The following AGO3 variants were observed in gnomAD, a reference collection of about 807,000 sequenced individuals.
The protein encoded by AGO3 is protein argonaute-3.
AGO3 carries 16 observed loss-of-function variants against 105.5 expected under a neutral mutation model. The observed-to-expected ratio is 0.15, with a 90% CI of 0.10 to 0.23. AGO3 has a LOEUF of 0.23. Ranked by LOEUF, AGO3 falls within the 10% of genes least tolerant of loss-of-function variation. AGO3 has a pLI of 1.00. For synonymous variants in AGO3, 340 were observed against 367.3 expected (o/e 0.93, Z 0.85); for missense variants, 534 against 1,088.0 (o/e 0.49, Z 7.16).
At chr1:36,009,337 A>G in intron 8 of AGO3, 138 bp from the exon 9 acceptor site, 1 of 1,030,918 alleles carries the variant, frequency 9.7e-7, no homozygotes, top group South Asian at 1.9e-5. Context: ...CTTGTTTACT[A>G]CTTTTTTACT....
chr1:36,040,652 C>T (rs1371737855), intron 16 of AGO3, among the ~76,000 whole-genome samples: 1 of 152,136 alleles, frequency 6.6e-6, no homozygotes, highest in Admixed American at 6.5e-5. Context: ...AAATCTCATT[C>T]TACTTTTTTG....
chr1:35,945,203 C>G (rs1357513659), intron 1 of AGO3, among the ~76,000 whole-genome samples: 1 of 136,710 alleles, frequency 7.3e-6, no homozygotes, highest in African/African-American at 3.1e-5. Flanking sequence ...TTACTCTTTT[C>G]TTTTCTTTTC....
chr1:36,029,022 C>T (rs1641645380), intron 12 of AGO3, among the ~76,000 whole-genome samples: 1 of 152,090 alleles, frequency 6.6e-6, no homozygotes, highest in South Asian at 2.1e-4. Context: ...ATTCTATTTT[C>T]TTTCCTCTTT....
At chr1:36,051,457 T>A (rs1486215593) in intron 17 of AGO3, among the ~76,000 whole-genome samples, 1 of 152,140 alleles carries the variant, frequency 6.6e-6, no homozygotes, top group Non-Finnish European at 1.5e-5. Context: ...ACATGGTACA[T>A]GCCTGTAATC....
At chr1:36,005,427 C>A (rs770284981) in intron 6 of AGO3, among the ~76,000 whole-genome samples, 23 of 152,128 alleles carry the variant, frequency 1.5e-4, no homozygotes, top group Admixed American at 4.6e-4. Flanking sequence ...AAAGGAAGAT[C>A]CACCCTGCTT....
intron 9 of AGO3, 92 bp downstream of exon 9, chr1:36,009,686 G>T: frequency 7.8e-7 from 1 of 1,287,494 alleles, no homozygotes; most frequent in South Asian, 1.7e-5. Flanking sequence ...CATACCTTAT[G>T]ACCATTTCAT....
At chr1:36,004,161 C>A in intron 5 of AGO3, 180 bp from the exon 6 acceptor site, 1 of 483,936 alleles carries the variant, frequency 2.1e-6, no homozygotes. Context: ...AGTATTTGGC[C>A]ATTTTGTATT....
At chr1:35,972,843 T>C (rs1646892511) in intron 4 of AGO3, among the ~76,000 whole-genome samples, 1 of 149,088 alleles carries the variant, frequency 6.7e-6, no homozygotes, top group Non-Finnish European at 1.5e-5. Flanking sequence ...CATGCCTGAC[T>C]AATTAAAAAA....
chr1:36,000,942 GA>G (rs1640054938), intron 5 of AGO3, among the ~76,000 whole-genome samples: 1 of 151,900 alleles, frequency 6.6e-6, no homozygotes, highest in African/African-American at 2.4e-5. Context: ...CTTTTCCACA[GA>G]AATACTCATG....
In AGO3 at chr1:36,070,336, A is replaced by C. The variant is rs1569984383; in HGVS notation, c.*14591A>C. On this transcript the variant is annotated 3_prime_UTR_variant, in exon 19 of 19. Coordinates refer to ENST00000373191, the MANE Select transcript of AGO3 (RefSeq NM_024852.4). ...ACCTATAAAGGTTAAAATATAGTGAAAGTTTCTGCTTCATGTGAATTCAAT... is the reference window on the plus strand; with the variant it reads ...ACCTATAAAGGTTAAAATATAGTGACAGTTTCTGCTTCATGTGAATTCAAT... 1 of 152,230 alleles carries C rather than the reference A, an allele frequency of 6.6e-6. No homozygotes were observed. The highest frequency in any genetic ancestry group is 1.5e-5 in the Non-Finnish European group (1 of 68,048). 9.4% of individuals were successfully genotyped at this position (152,230 alleles called of 1,614,324 possible).
chr1:36,042,870 A>C (rs1239038820), intron 16 of AGO3, among the ~76,000 whole-genome samples: 1 of 152,154 alleles, frequency 6.6e-6, no homozygotes, highest in East Asian at 1.9e-4. Context: ...TCTGCCCTTT[A>C]TTGTGTGCTA....
At chr1:35,947,538 C>A (rs895766105) in intron 2 of AGO3, among the ~76,000 whole-genome samples, 1 of 151,992 alleles carries the variant, frequency 6.6e-6, no homozygotes, top group African/African-American at 2.4e-5. Flanking sequence ...TCTTTGTCAC[C>A]CCATGTCAGC....
chr1:36,035,922 A>G (rs914913992), intron 13 of AGO3, among the ~76,000 whole-genome samples: 9 of 151,640 alleles, frequency 5.9e-5, no homozygotes, highest in Non-Finnish European at 1.2e-4. Flanking sequence ...AGTCCCAGCT[A>G]CTTGGGAGGC....
At position 36,023,346 on chromosome 1, in the gene AGO3, C is replaced by T. The variant is rs541836860; in HGVS notation, c.1407-3768C>T. ...CTGGGGATTGCTAGAGGTTCTACTT[C>T]GGATCCCACTTCTGACACCATCTGT... On this transcript the variant is annotated intron_variant, in intron 11 of 18. Coordinates refer to ENST00000373191, the MANE Select transcript of AGO3 (RefSeq NM_024852.4). 9.8e-5 allele frequency among the ~76,000 whole-genome samples: 15 copies of T among 152,302 alleles called. No individual in the cohort carries two copies. The South Asian group carries it at 2.7e-3, about 27-fold the overall frequency.
In AGO3 at chr1:36,008,643, T is replaced by C; in HGVS notation, c.794-47T>C. The C allele has an allele frequency of 6.4e-7, 1 of 1,566,554 alleles. No individual in the cohort carries two copies. Among genetic ancestry groups the C allele is most frequent in the Non-Finnish European group, 8.8e-7 (1 of 1,140,788 alleles). Reference sequence around the variant, plus strand: ...GAACAGGCTTTATAAGTATAAATATTTTACATGTGACAGTTCTGTAACCTC... The same window carrying C: ...GAACAGGCTTTATAAGTATAAATATCTTACATGTGACAGTTCTGTAACCTC... On this transcript the variant is annotated intron_variant, in intron 6 of 18. Coordinates refer to ENST00000373191, the MANE Select transcript of AGO3 (RefSeq NM_024852.4). The surrounding 1 kb of genome is among the most constrained non-coding windows in gnomAD (Gnocchi z 5.1).
chr1:36,044,554 G>A (rs1436567091), intron 17 of AGO3, among the ~76,000 whole-genome samples: 1 of 152,012 alleles, frequency 6.6e-6, no homozygotes, highest in Non-Finnish European at 1.5e-5. Context: ...CTCCCTAGTA[G>A]CTGGGATTAC....
Position 36,055,243 on chromosome 1 carries a change from A to G in AGO3, c.2474+98A>G. ...AAGCTATTAGCGGAGTCAGTGATCCATGTGAAAAATGATGACAGAACTGAC... is the reference window on the plus strand; with the variant it reads ...AAGCTATTAGCGGAGTCAGTGATCCGTGTGAAAAATGATGACAGAACTGAC... On this transcript the variant is annotated intron_variant, in intron 18 of 18. Coordinates refer to ENST00000373191, the MANE Select transcript of AGO3 (RefSeq NM_024852.4). This position sits in a 1 kb window ranked among gnomAD's most constrained non-coding sequence, Gnocchi z 4.4. The G allele has an allele frequency of 7.6e-7, 1 of 1,309,336 alleles. No homozygotes were observed. Among genetic ancestry groups the G allele is most frequent in the Non-Finnish European group, 1.1e-6 (1 of 946,684 alleles). 81.1% of individuals were successfully genotyped at this position (1,309,336 alleles called of 1,614,324 possible). A position where few individuals can be genotyped will look rare whatever the true frequency, so the allele number is the denominator to read the frequency against.
chr1:36,010,248 ATTC>A (rs1033754672), intron 9 of AGO3, among the ~76,000 whole-genome samples: 13 of 151,926 alleles, frequency 8.6e-5, no homozygotes, highest in African/African-American at 3.1e-4. Flanking sequence ...CAATACTAAA[ATTC>A]TTAACACTCA....
chr1:35,983,041 G>A (rs976157828), intron 5 of AGO3: 12 of 170,810 alleles, frequency 7.0e-5, no homozygotes, highest in East Asian at 1.5e-4. Flanking sequence ...GGAAATTCAG[G>A]CATGGGCTGA....
Sources: allele counts gnomAD v4.1 joint callset (sites outside exome capture counted in the v4.1 genomes callset), GRCh38; gene constraint gnomAD v4.1.1; non-coding constraint Gnocchi (gnomAD v3.1); transcripts MANE v1.5; gene names NCBI Gene and HGNC (gene_info 2026-07-23, HGNC 2026-07-21).